Variants in PSAP observed in about 807,000 individuals in gnomAD.
PSAP encodes precursor of saposins.
Under a neutral mutation model 66.0 loss-of-function variants are expected in PSAP, and 25 were observed. The observed-to-expected ratio is 0.38, with a 90% CI of 0.28 to 0.53. The LOEUF is 0.53. PSAP is among the 20% of genes least tolerant of loss of function. The pLI is 0.83. For synonymous variants in PSAP, 273 were observed against 258.9 expected (o/e 1.05, Z -0.52); for missense variants, 649 against 668.8 (o/e 0.97, Z 0.33).
At chr10:71,826,446 C>T (rs375391702) in intron 6 of PSAP, among the ~76,000 whole-genome samples, 16 of 152,326 alleles carry the variant, frequency 1.1e-4, no homozygotes, top group African/African-American at 3.4e-4. Context: ...TAACATGATA[C>T]AGCCTCTCAG....
At chr10:71,848,934 G>T (rs1842875174) in intron 1 of PSAP, among the ~76,000 whole-genome samples, 1 of 152,146 alleles carries the variant, frequency 6.6e-6, no homozygotes. Flanking sequence ...ACGGAAGAGG[G>T]TCCCTTGGTT....
chr10:71,844,133 A>G (rs770451493), intron 1 of PSAP, among the ~76,000 whole-genome samples: 1 of 152,260 alleles, frequency 6.6e-6, no homozygotes, highest in African/African-American at 2.4e-5. Flanking sequence ...AACAATATCA[A>G]ATGTTAACAA....
Position 71,822,000 on chromosome 10 carries a change from T to C in PSAP, c.785A>G (p.Lys262Arg). 1.2e-6 allele frequency: 2 copies of C among 1,614,088 alleles called. No individual in the cohort carries two copies. Among genetic ancestry groups the C allele is most frequent in the Non-Finnish European group, 8.5e-7 (1 of 1,179,966 alleles). Residue 262 changes from lysine to arginine, a missense_variant, in exon 8 of 14, where the codon AAG becomes AGG. Coordinates refer to ENST00000394936, the MANE Select transcript of PSAP (RefSeq NM_002778.4). ...GAACCCAACCAGCGCACAGATCTCC[T>C]TGGGTTGCTGAAGAGAGCACAGAAC... is the stretch of plus-strand genomic sequence containing the variant. ...AIQMMMHMQP[K>R]EICALVGFCD...
chr10:71,848,281 G>C (rs1380577133), intron 1 of PSAP, among the ~76,000 whole-genome samples: 2 of 152,202 alleles, frequency 1.3e-5, no homozygotes, highest in East Asian at 3.8e-4. Flanking sequence ...AATTCATCAA[G>C]TTGTCTACTT....
intron 2 of PSAP, among the ~76,000 whole-genome samples, chr10:71,833,530 T>C (rs73279737): frequency 0.018 from 2,684 of 152,310 alleles, 77 homozygotes; most frequent in African/African-American, 0.06. Flanking sequence ...TCTAAAAGAA[T>C]GGTGCTAAGC....
At chr10:71,823,832 AAAGT>A in intron 7 of PSAP, 1 of 1,211,744 alleles carries the variant, frequency 8.3e-7, no homozygotes. Context: ...AAAAAAAAGC[AAAGT>A]AACTAGAGGA....
chr10:71,818,935 C>T, intron 12 of PSAP, 96 bp downstream of exon 12: 1 of 1,241,562 alleles, frequency 8.1e-7, no homozygotes, highest in Non-Finnish European at 1.2e-6. Context: ...CCAGAGACTC[C>T]ACCCCACGGC....
At position 71,828,289 on chromosome 10, in the gene PSAP, A is replaced by C. The variant is rs1842434245; in HGVS notation, c.577-132T>G. On this transcript the variant is annotated intron_variant, in intron 5 of 13. Transcript: ENST00000394936. ...CCTAAGATGCTTTACAGGCTCTCAA[A>C]TTACTGATAGGCTTAAAATCGATTA... 10 of 917,488 alleles carry C rather than the reference A, an allele frequency of 1.1e-5. No homozygotes were observed. In the South Asian group the frequency reaches 1.3e-4, roughly 12 times the overall value. 56.8% of individuals were successfully genotyped at this position (917,488 alleles called of 1,614,324 possible).
chr10:71,825,888 C>T lies in PSAP; in HGVS notation c.726G>A (p.Lys242=). ...TTTCAGAATACTGGCTGATATAGTT[C>T]TTGCACTGAGGAGAGAGAAACAGAT... ...RLGPGMADIC[K]NYISQYSEIA... Residue 242 remains lysine (K), a synonymous_variant, in exon 7 of 14, where the codon AAG becomes AAA. Coordinates refer to ENST00000394936, the MANE Select transcript of PSAP (RefSeq NM_002778.4). The T allele has an allele frequency of 6.2e-7, 1 of 1,613,332 alleles. No individual in the cohort carries two copies. Among genetic ancestry groups the T allele is most frequent in the South Asian group, 1.1e-5 (1 of 91,064 alleles).
chr10:71,829,178 T>A, intron 4 of PSAP, 101 bp from the exon 5 acceptor site: 1 of 1,119,854 alleles, frequency 8.9e-7, no homozygotes, highest in Non-Finnish European at 1.3e-6. Context: ...TTAAATCCCT[T>A]AAAAGAAACA....
chr10:71,835,000 G>C (rs2133053914), intron 1 of PSAP, among the ~76,000 whole-genome samples: 1 of 152,220 alleles, frequency 6.6e-6, no homozygotes, highest in African/African-American at 2.4e-5. Flanking sequence ...ACTTTGGGAG[G>C]CCAAGGTGGG....
At chr10:71,831,376 GA>G in intron 3 of PSAP, 125 bp from the exon 4 acceptor site, 2 of 1,286,320 alleles carry the variant, frequency 1.6e-6, no homozygotes, top group Non-Finnish European at 2.2e-6. Flanking sequence ...AGCCCTCAGG[GA>G]AAAGGACTTG....
chr10:71,834,103 G>A (rs1236727787), intron 2 of PSAP, among the ~76,000 whole-genome samples: 3 of 152,200 alleles, frequency 2.0e-5, no homozygotes, highest in Admixed American at 2.0e-4. Context: ...GGCACCTGGA[G>A]CCGCAGGCAT....
chr10:71,831,288 T>G, intron 3 of PSAP, 37 bp from the exon 4 acceptor site: 1 of 1,610,832 alleles, frequency 6.2e-7, no homozygotes, highest in Non-Finnish European at 8.5e-7. Flanking sequence ...CACGATAGGC[T>G]TTCCTCCCTG....
chr10:71,817,268 C>G lies in PSAP; in HGVS notation c.*173G>C, dbSNP rs990994004. The stretch of plus-strand genomic sequence containing the variant: ...CTGAAGCAGCTATGTCTGCCAGGGG[C>G]TAGGGGCTCCCTTGCAGACAGCAAT... On this transcript the variant is annotated 3_prime_UTR_variant, in exon 14 of 14. Coordinates refer to ENST00000394936, the MANE Select transcript of PSAP (RefSeq NM_002778.4). 9 of 773,972 alleles carry G rather than the reference C, an allele frequency of 1.2e-5. No individual in the cohort carries two copies. Among genetic ancestry groups the G allele is most frequent in the African/African-American group, 5.1e-5 (3 of 59,036 alleles). The allele number at this position is 773,972 out of a possible 1,614,324, so 47.9% of individuals were successfully genotyped here. A position where few individuals can be genotyped will look rare whatever the true frequency, so the allele number is the denominator to read the frequency against.
At chr10:71,823,431 CTG>C (rs1046797622) in intron 7 of PSAP, among the ~76,000 whole-genome samples, 1 of 152,232 alleles carries the variant, frequency 6.6e-6, no homozygotes, top group African/African-American at 2.4e-5. Flanking sequence ...AGAAGCATTT[CTG>C]TGTTTATGAA....
In PSAP at chr10:71,822,020, C is replaced by A. The variant is rs763099841; in HGVS notation, c.778-13G>T. 1 of 1,614,080 alleles carries A rather than the reference C, an allele frequency of 6.2e-7. No homozygotes were observed. Among genetic ancestry groups the A allele is most frequent in the South Asian group, 1.1e-5 (1 of 91,076 alleles). On this transcript the variant is annotated splice_polypyrimidine_tract_variant and intron_variant, in intron 7 of 13. Coordinates refer to ENST00000394936, the MANE Select transcript of PSAP (RefSeq NM_002778.4). Reference sequence around the variant, plus strand: ...TCTCCTTGGGTTGCTGAAGAGAGCACAGAACAACCAGTCAGCAGCAAGCCT... The same window carrying A: ...TCTCCTTGGGTTGCTGAAGAGAGCAAAGAACAACCAGTCAGCAGCAAGCCT...
intron 1 of PSAP, among the ~76,000 whole-genome samples, chr10:71,848,298 CCA>C (rs1237038817): frequency 6.6e-6 from 1 of 152,176 alleles, no homozygotes; most frequent in Non-Finnish European, 1.5e-5. Context: ...ACTTAATCGT[CCA>C]CGTATGTAAC....
In PSAP at chr10:71,822,175, C is replaced by T. The variant is rs557459358; in HGVS notation, c.778-168G>A. On this transcript the variant is annotated intron_variant, in intron 7 of 13. Transcript: ENST00000394936. The stretch of plus-strand genomic sequence containing the variant: ...AGATTCCAGTTTCCATGTTAAAGGG[C>T]TCGTGTCTGAAGCAGTGCATATGTG... 4 of 862,354 alleles carry T rather than the reference C, an allele frequency of 4.6e-6. No individual in the cohort carries two copies. The African/African-American group carries it at 5.0e-5, about 11-fold the overall frequency. 53.4% of individuals were successfully genotyped at this position (862,354 alleles called of 1,614,324 possible).
Sources: gnomAD v4.1 joint callset for allele counts (sites outside exome capture counted in the v4.1 genomes callset) on GRCh38, gnomAD v4.1.1 for gene constraint, MANE v1.5 for transcripts, NCBI Gene and HGNC (gene_info 2026-07-23, HGNC 2026-07-21) for gene names.